GABRG3: variants seen among roughly 807,000 people sequenced by gnomAD.
GABRG3 encodes the protein gamma-aminobutyric acid receptor subunit gamma-3.
In GABRG3, 25 loss-of-function variants were observed where a neutral mutation model predicts 48.8. The ratio of observed to expected loss-of-function variants is 0.51; its 90% confidence interval spans 0.37 to 0.72. GABRG3 has a LOEUF of 0.72. Ranked by LOEUF, GABRG3 falls within the 30% of genes least tolerant of loss-of-function variation. The probability of loss-of-function intolerance (pLI) is 0.00; values close to 1 mark genes in which losing one functional copy is unlikely to be tolerated. For synonymous variants in GABRG3, 227 were observed against 217.6 expected (o/e 1.04, Z -0.38); for missense variants, 394 against 577.9 (o/e 0.68, Z 3.26).
At chr15:27,246,292 T>G (rs891102233) in intron 3 of GABRG3, among the ~76,000 whole-genome samples, 35 of 152,166 alleles carry the variant, frequency 2.3e-4, no homozygotes, top group African/African-American at 7.2e-4. Flanking sequence ...AGGAAACTTT[T>G]AATCCCAAGA....
chr15:27,527,996 C>A lies in GABRG3; in HGVS notation c.1122+4C>A. The stretch of plus-strand genomic sequence containing the variant: ...AATAAGCCTACAAGCCCCTTCCGTA[C>A]GTATAGCATTGCAGGTGCCAATATT... On this transcript the variant is annotated splice_donor_region_variant and intron_variant, in intron 9 of 9. Transcript: ENST00000615808. 6.3e-7 allele frequency: 1 copy of A among 1,590,424 alleles called. No homozygotes were observed. The highest frequency in any genetic ancestry group is 1.7e-5 in the Admixed American group (1 of 57,604).
At position 27,306,282 on chromosome 15, in the gene GABRG3, A is replaced by G. The variant is rs1039377908; in HGVS notation, c.271-20527A>G. ...TCTATATGTAAACATATATAACATA[A>G]ACATGTCTATATATAAACATATATA... On this transcript the variant is annotated intron_variant, in intron 3 of 9. Coordinates refer to ENST00000615808, the MANE Select transcript of GABRG3 (RefSeq NM_033223.5). Among the ~76,000 whole-genome samples, 20 of 138,636 alleles carry G rather than the reference A, an allele frequency of 1.4e-4. 2 individuals carry two copies. The highest frequency in any genetic ancestry group is 5.1e-4 in the African/African-American group (19 of 37,112). The allele number at this position is 138,636 out of a possible 152,430, so 91.0% of individuals were successfully genotyped here.
intron 3 of GABRG3, among the ~76,000 whole-genome samples, chr15:27,170,382 G>A (rs1240360650): frequency 6.6e-6 from 1 of 152,048 alleles, no homozygotes; most frequent in Non-Finnish European, 1.5e-5. Flanking sequence ...ATACATATAT[G>A]TATATATACA....
chr15:27,406,479 T>A (rs1887637659), intron 5 of GABRG3, among the ~76,000 whole-genome samples: 5 of 152,216 alleles, frequency 3.3e-5, no homozygotes, highest in African/African-American at 2.4e-5. Context: ...TGTGATATGA[T>A]GTGTTGAGAA....
chr15:27,173,476 C>A (rs1489601298), intron 3 of GABRG3, among the ~76,000 whole-genome samples: 1 of 152,048 alleles, frequency 6.6e-6, no homozygotes, highest in Non-Finnish European at 1.5e-5. Flanking sequence ...ATTCCTCGCT[C>A]CAAAATATTT....
intron 6 of GABRG3, among the ~76,000 whole-genome samples, chr15:27,516,640 G>T (rs767250209): frequency 7.2e-5 from 11 of 152,194 alleles, no homozygotes; most frequent in Non-Finnish European, 1.5e-4. Context: ...CGTGTCAGAG[G>T]CTTTCTGAGA....
chr15:27,091,435 T>G (rs1398381346), intron 3 of GABRG3, among the ~76,000 whole-genome samples: 3 of 152,212 alleles, frequency 2.0e-5, no homozygotes, highest in Non-Finnish European at 4.4e-5. Flanking sequence ...TCTGTCGTTT[T>G]CTTTTCTTGT....
chr15:27,020,610 G>A (rs1895874212), intron 2 of GABRG3, among the ~76,000 whole-genome samples: 2 of 151,896 alleles, frequency 1.3e-5, no homozygotes, highest in South Asian at 4.2e-4. Flanking sequence ...GCAGAGACGG[G>A]GTTTCACTGT....
At chr15:27,159,573 T>C (rs984023208) in intron 3 of GABRG3, among the ~76,000 whole-genome samples, 1 of 152,142 alleles carries the variant, frequency 6.6e-6, no homozygotes, top group African/African-American at 2.4e-5. Context: ...TTCCATCATG[T>C]TCCTAGTAAT....
At chr15:26,994,886 G>A (rs879542855) in intron 2 of GABRG3, among the ~76,000 whole-genome samples, 37 of 151,876 alleles carry the variant, frequency 2.4e-4, no homozygotes, top group Admixed American at 1.1e-3. Context: ...GCCATGCTCC[G>A]TCCCCTAAAA....
chr15:27,351,457 G>C (rs1894586436), intron 5 of GABRG3, among the ~76,000 whole-genome samples: 1 of 144,938 alleles, frequency 6.9e-6, no homozygotes, highest in South Asian at 2.2e-4. Flanking sequence ...TGGTGTGTGT[G>C]TTTGTGTGTG....
At chr15:27,227,560 A>C (rs1247618140) in intron 3 of GABRG3, among the ~76,000 whole-genome samples, 1 of 152,134 alleles carries the variant, frequency 6.6e-6, no homozygotes, top group Non-Finnish European at 1.5e-5. Context: ...GGTGGCATGC[A>C]CCTGTAGTCC....
intron 1 of GABRG3, among the ~76,000 whole-genome samples, chr15:26,971,907 A>G (rs1894853497): frequency 6.6e-6 from 1 of 150,778 alleles, no homozygotes; most frequent in South Asian, 2.1e-4. Flanking sequence ...CTCCTTACCG[A>G]CCCCTAATTC....
chr15:27,008,987 G>A (rs972610908), intron 2 of GABRG3, among the ~76,000 whole-genome samples: 9 of 152,264 alleles, frequency 5.9e-5, no homozygotes, highest in East Asian at 1.9e-4. Flanking sequence ...GGGGTGGGAC[G>A]GGGCGAGGAT....
chr15:27,253,552 T>C (rs1205178415), intron 3 of GABRG3, among the ~76,000 whole-genome samples: 1 of 152,244 alleles, frequency 6.6e-6, no homozygotes, highest in Admixed American at 6.5e-5. Context: ...TGCCTTCTAC[T>C]GTAAGTTATG....
intron 5 of GABRG3, among the ~76,000 whole-genome samples, chr15:27,367,493 T>C (rs1001254097): frequency 1.3e-5 from 2 of 152,210 alleles, no homozygotes; most frequent in Admixed American, 6.5e-5. Flanking sequence ...CTAAAAGGTG[T>C]TTTATATTGC....
intron 3 of GABRG3, among the ~76,000 whole-genome samples, chr15:27,324,120 TTCTG>T (rs1375301949): frequency 6.6e-6 from 1 of 152,224 alleles, no homozygotes; most frequent in Non-Finnish European, 1.5e-5. Flanking sequence ...GAATATTAGC[TTCTG>T]TCTTTCTCAT....
At chr15:27,365,699 A>C (rs1222273961) in intron 5 of GABRG3, 2 of 152,080 alleles carry the variant, frequency 1.3e-5, no homozygotes, top group African/African-American at 2.4e-5. Context: ...TCTCTCTGTA[A>C]TTGATTATTA....
At chr15:27,120,258 T>G (rs1023318047) in intron 3 of GABRG3, among the ~76,000 whole-genome samples, 4 of 152,228 alleles carry the variant, frequency 2.6e-5, no homozygotes, top group Non-Finnish European at 5.9e-5. Context: ...CTCTGAGCAG[T>G]TGCATTGCTA....
Sources: gnomAD v4.1 joint callset for allele counts (sites outside exome capture counted in the v4.1 genomes callset) on GRCh38, gnomAD v4.1.1 for gene constraint, MANE v1.5 for transcripts, NCBI Gene and HGNC (gene_info 2026-07-23, HGNC 2026-07-21) for gene names.